The following GSE1 variants were observed in gnomAD, a reference collection of about 807,000 sequenced individuals.
The protein encoded by GSE1 is Gse1 coiled-coil protein.
A neutral mutation model predicts 112.6 loss-of-function variants in GSE1; 32 were observed. That is an observed-to-expected ratio of 0.28 (90% CI 0.21 to 0.38). GSE1 has a LOEUF of 0.38. Among genes scored for constraint, GSE1 ranks in the 10% least tolerant of loss-of-function variants. The pLI is 1.00. For missense variants in GSE1, 2,348 were observed against 1,699.2 expected (o/e 1.38, Z -6.71); for synonymous variants, 1,115 against 735.6 (o/e 1.52, Z -8.35).
chr16:85,343,815 A>G (rs950456090), intron 1 of GSE1, among the ~76,000 whole-genome samples: 1 of 152,200 alleles, frequency 6.6e-6, no homozygotes, highest in Non-Finnish European at 1.5e-5. Flanking sequence ...AACATCCAGC[A>G]GGCTCCCCTC....
intron 2 of GSE1, among the ~76,000 whole-genome samples, chr16:85,643,072 G>A (rs774893148): frequency 3.9e-5 from 6 of 152,280 alleles, no homozygotes; most frequent in South Asian, 2.1e-4. Context: ...GTGGCGCTGC[G>A]GTCCTGTTTT....
chr16:85,296,620 A>G (rs182843716), intron 1 of GSE1, among the ~76,000 whole-genome samples: 1 of 152,178 alleles, frequency 6.6e-6, no homozygotes, highest in African/African-American at 2.4e-5. Context: ...ACAAACAAAA[A>G]CCAAAAACAA....
intron 1 of GSE1, among the ~76,000 whole-genome samples, chr16:85,573,278 A>C (rs2046085920): frequency 6.6e-6 from 1 of 152,122 alleles, no homozygotes; most frequent in South Asian, 2.1e-4. Context: ...GGTGCGCTGC[A>C]CTGTGCTGGG....
At chr16:85,260,734 G>C (rs1427549845) in intron 1 of GSE1, among the ~76,000 whole-genome samples, 1 of 152,240 alleles carries the variant, frequency 6.6e-6, no homozygotes, top group African/African-American at 2.4e-5. Context: ...CCAGGGAGCT[G>C]CTGTTCCCCT....
chr16:85,363,863 C>T (rs773546329), intron 2 of GSE1, among the ~76,000 whole-genome samples: 2 of 152,216 alleles, frequency 1.3e-5, no homozygotes, highest in Non-Finnish European at 2.9e-5. Context: ...TCCGTCTCTA[C>T]TCTGGGCTGA....
At chr16:85,604,214 T>G (rs529218712) in intron 1 of GSE1, among the ~76,000 whole-genome samples, 1 of 152,316 alleles carries the variant, frequency 6.6e-6, no homozygotes, top group East Asian at 1.9e-4. Flanking sequence ...TCCTCTGCTT[T>G]TTGTCTCTGG....
At chr16:85,565,423 A>AAAAAAAAAAAC (rs34832164) in intron 1 of GSE1, among the ~76,000 whole-genome samples, 1 of 151,070 alleles carries the variant, frequency 6.6e-6, no homozygotes, top group African/African-American at 2.5e-5. Context: ...AAACAAAAAA[A>AAAAAAAAAAAC]CCACCAACCA....
intron 1 of GSE1, among the ~76,000 whole-genome samples, chr16:85,255,202 C>T (rs1375696212): frequency 6.6e-6 from 1 of 152,162 alleles, no homozygotes; most frequent in East Asian, 1.9e-4. Context: ...CCACCCGCTC[C>T]CCAGCCCTTC....
At chr16:85,482,772 G>T (rs2050720069) in intron 2 of GSE1, among the ~76,000 whole-genome samples, 1 of 152,212 alleles carries the variant, frequency 6.6e-6, no homozygotes, top group Admixed American at 6.5e-5. Flanking sequence ...GAGGTCAGGA[G>T]TTCGAGACCA....
In GSE1 at chr16:85,633,013, T is replaced by TGCCGCCGCCGCC. The variant is rs71153808; in HGVS notation, c.8-895_8-884dup. 4.8e-3 allele frequency among the ~76,000 whole-genome samples: 703 copies of TGCCGCCGCCGCC among 146,204 alleles called. 6 individuals carry two copies. Among genetic ancestry groups the TGCCGCCGCCGCC allele is most frequent in the African/African-American group, 0.018 (656 of 36,526 alleles). ...GCTGCCCCTGGGCTCAGACCTCTGGTGCCGCCGCCGCCGCCGCTGTCACCA... is the reference window on the plus strand; with the variant it reads ...GCTGCCCCTGGGCTCAGACCTCTGGTGCCGCCGCCGCCGCCGCCGCCGCCGCCGCTGTCACCA... On this transcript the variant is annotated intron_variant, in intron 1 of 15. Coordinates refer to ENST00000253458, the MANE Select transcript of GSE1 (RefSeq NM_014615.5).
At chr16:85,622,225 G>C (rs1458025733) in intron 1 of GSE1, among the ~76,000 whole-genome samples, 2 of 152,222 alleles carry the variant, frequency 1.3e-5, no homozygotes, top group Non-Finnish European at 2.9e-5. Flanking sequence ...TTCCTGGACA[G>C]CTCCATTCCA....
chr16:85,299,659 A>C (rs4783159), intron 1 of GSE1, among the ~76,000 whole-genome samples: 46,633 of 151,984 alleles, frequency 0.31, 8,078 homozygotes, highest in Admixed American at 0.45. Flanking sequence ...CAGGCAAGGT[A>C]GCTCACACCT....
chr16:85,605,109 G>A (rs1433659980), intron 1 of GSE1, among the ~76,000 whole-genome samples: 3 of 151,420 alleles, frequency 2.0e-5, no homozygotes, highest in Non-Finnish European at 4.4e-5. Flanking sequence ...GAGCCACTGC[G>A]CCTGGTCTGC....
intron 2 of GSE1, among the ~76,000 whole-genome samples, chr16:85,394,597 G>A (rs573891126): frequency 2.6e-5 from 4 of 152,088 alleles, no homozygotes; most frequent in Admixed American, 6.5e-5. Flanking sequence ...ACACACACAC[G>A]CACTCCTGTC....
chr16:85,299,929 C>G (rs558299228), intron 1 of GSE1, among the ~76,000 whole-genome samples: 6 of 137,934 alleles, frequency 4.3e-5, no homozygotes, highest in Non-Finnish European at 7.6e-5. Flanking sequence ...GAGTGAGACC[C>G]TGTCTCAAAA....
intron 3 of GSE1, among the ~76,000 whole-genome samples, chr16:85,652,561 G>A (rs1419105048): frequency 2.0e-5 from 3 of 151,754 alleles, no homozygotes; most frequent in Non-Finnish European, 4.4e-5. Flanking sequence ...CGGCGGCGGC[G>A]GCGGCTCCTC....
chr16:85,367,087 T>G (rs2047200717), intron 2 of GSE1, among the ~76,000 whole-genome samples: 1 of 152,204 alleles, frequency 6.6e-6, no homozygotes, highest in African/African-American at 2.4e-5. Context: ...CCACTGTTCT[T>G]CATTCCCCTG....
chr16:85,293,077 C>T (rs1019975551), intron 1 of GSE1, among the ~76,000 whole-genome samples: 4 of 152,144 alleles, frequency 2.6e-5, no homozygotes, highest in Admixed American at 6.5e-5. Context: ...TCCCTCTCTC[C>T]GCAGTGTTCC....
chr16:85,564,988 A>G (rs941266931), intron 1 of GSE1, among the ~76,000 whole-genome samples: 1 of 152,104 alleles, frequency 6.6e-6, no homozygotes, highest in South Asian at 2.1e-4. Flanking sequence ...TGTGGGAATG[A>G]AGCCGGGGAG....
Sources: allele counts gnomAD v4.1 joint callset (sites outside exome capture counted in the v4.1 genomes callset), GRCh38; gene constraint gnomAD v4.1.1; transcripts MANE v1.5; gene names NCBI Gene and HGNC (gene_info 2026-07-23, HGNC 2026-07-21).